Variants in ANKRD28 observed in about 807,000 individuals in gnomAD.
ANKRD28 encodes the protein serine/threonine-protein phosphatase 6 regulatory ankyrin repeat subunit A.
Under a neutral mutation model 126.5 loss-of-function variants are expected in ANKRD28, and 44 were observed. That is an observed-to-expected ratio of 0.35 (90% CI 0.27 to 0.45). ANKRD28 has a LOEUF of 0.45. Among genes scored for constraint, ANKRD28 ranks in the 20% least tolerant of loss-of-function variants. ANKRD28 has a pLI of 1.00. For synonymous variants in ANKRD28, 442 were observed against 468.5 expected, an observed-to-expected ratio of 0.94 and a Z score of 0.73; for missense variants, 1,110 against 1,316.6, an observed-to-expected ratio of 0.84 and a Z score of 2.43.
At chr3:15,825,549 T>G (rs992591984) in intron 1 of ANKRD28, among the ~76,000 whole-genome samples, 1 of 151,916 alleles carries the variant, frequency 6.6e-6, no homozygotes, top group Non-Finnish European at 1.5e-5. Flanking sequence ...AATTTGCAAA[T>G]TTTTAGAAGA....
chr3:15,842,605 A>G (rs1439477821), intron 1 of ANKRD28, among the ~76,000 whole-genome samples: 4 of 152,252 alleles, frequency 2.6e-5, no homozygotes, highest in African/African-American at 9.6e-5. Context: ...TATAACACAA[A>G]GCACAAATGC....
rs1180709445 is a variant in ANKRD28 at position 15,690,069 on chromosome 3, G to A, written c.1913C>T (p.Ser638Leu). ...CAAAATGTAATCTTTTACTAAGATT[G>A]AGGCTCCCTGATTAATGAGTACATC... ...CVDVLINQGA[S>L]ILVKDYILKR... Residue 638 changes from serine to leucine, a missense_variant, in exon 18 of 28, where the codon TCA (serine) becomes TTA (leucine). Coordinates refer to ENST00000683139, the MANE Select transcript of ANKRD28 (RefSeq NM_001349278.2). The A allele has an allele frequency of 6.2e-7, 1 of 1,612,196 alleles. No individual in the cohort carries two copies. Among genetic ancestry groups the A allele is most frequent in the Non-Finnish European group, 8.5e-7 (1 of 1,179,122 alleles).
intron 6 of ANKRD28, among the ~76,000 whole-genome samples, chr3:15,731,647 C>G (rs1158922087): frequency 1.3e-5 from 2 of 151,936 alleles, no homozygotes; most frequent in Non-Finnish European, 2.9e-5. Flanking sequence ...TGCAGAAGTT[C>G]AAGACCAGCC....
intron 14 of ANKRD28, among the ~76,000 whole-genome samples, chr3:15,707,564 T>C (rs1229183832): frequency 6.6e-6 from 1 of 152,186 alleles, no homozygotes. Flanking sequence ...TCTGATGACA[T>C]TACTCATATA....
chr3:15,707,824 A>T, intron 14 of ANKRD28, 100 bp downstream of exon 14: 1 of 1,405,766 alleles, frequency 7.1e-7, no homozygotes, highest in Admixed American at 2.2e-5. Flanking sequence ...ATCAACAAAA[A>T]ATACAAAGAG....
intron 14 of ANKRD28, among the ~76,000 whole-genome samples, chr3:15,702,207 G>A (rs1421537133): frequency 6.6e-6 from 1 of 152,114 alleles, no homozygotes; most frequent in Non-Finnish European, 1.5e-5. Flanking sequence ...AACCACCTCA[G>A]GTCTTCCCTT....
chr3:15,856,676 G>A (rs2126009327), intron 1 of ANKRD28, among the ~76,000 whole-genome samples: 1 of 152,288 alleles, frequency 6.6e-6, no homozygotes. Flanking sequence ...ATAATTAGGT[G>A]GTGGCACAAA....
At position 15,838,088 on chromosome 3, in the gene ANKRD28, T is replaced by C. The variant is rs939754021; in HGVS notation, c.27+21289A>G. Among the ~76,000 whole-genome samples, 1 of 151,914 alleles carries C rather than the reference T, an allele frequency of 6.6e-6. No homozygotes were observed. Among genetic ancestry groups the C allele is most frequent in the Non-Finnish European group, 1.5e-5 (1 of 67,960 alleles). On this transcript the variant is annotated intron_variant, in intron 1 of 27. Transcript: ENST00000399451. The surrounding 1 kb of genome is among the most constrained non-coding windows in gnomAD (Gnocchi z 4.0). Reference sequence around the variant, plus strand: ...CTGACTCTGAAGAAGATACAGAAAATATGAATAGAACTCTATCAACTAAAG... The same window carrying C: ...CTGACTCTGAAGAAGATACAGAAAACATGAATAGAACTCTATCAACTAAAG...
chr3:15,707,859 A>T, intron 14 of ANKRD28, 65 bp downstream of exon 14: 1 of 1,543,178 alleles, frequency 6.5e-7, no homozygotes, highest in Non-Finnish European at 8.8e-7. Flanking sequence ...CAACAAAAAC[A>T]TCCATATGGA....
rs545958047 is a variant in ANKRD28, at chr3:15,676,954, T to G, written c.2873+20A>C. The G allele has an allele frequency of 2.8e-5, 45 of 1,593,784 alleles. 1 individual carries two copies. In the South Asian group the frequency reaches 4.6e-4, roughly 16 times the overall value. On this transcript the variant is annotated intron_variant, in intron 26 of 27. Transcript: ENST00000683139. ...TAATTATAGGTCACAAAGTTTATAC[T>G]AGATACTGACAGTACTCACGTTTGC...
chr3:15,769,834 A>G (rs2058913340), intron 2 of ANKRD28, among the ~76,000 whole-genome samples: 1 of 152,184 alleles, frequency 6.6e-6, no homozygotes, highest in Admixed American at 6.5e-5. Flanking sequence ...ACAATTGGAA[A>G]CACTAAGGCA....
chr3:15,787,394 T>A (rs1342626692), intron 2 of ANKRD28, among the ~76,000 whole-genome samples: 1 of 152,134 alleles, frequency 6.6e-6, no homozygotes, highest in Non-Finnish European at 1.5e-5. Context: ...ATTTACAAAT[T>A]TGAAACTGGA....
chr3:15,776,090 C>G (rs536539577), intron 2 of ANKRD28, among the ~76,000 whole-genome samples: 3 of 152,248 alleles, frequency 2.0e-5, no homozygotes, highest in African/African-American at 7.2e-5. Flanking sequence ...TTTTTAGAAG[C>G]TGTATGCTAG....
intron 2 of ANKRD28, among the ~76,000 whole-genome samples, chr3:15,777,222 T>G (rs13068582): frequency 1.4e-5 from 2 of 148,122 alleles, no homozygotes; most frequent in Non-Finnish European, 3.0e-5. Context: ...TGCAGTGAGC[T>G]GAGATTGCGC....
chr3:15,844,350 C>CA (rs1246780965), intron 1 of ANKRD28, among the ~76,000 whole-genome samples: 2 of 151,800 alleles, frequency 1.3e-5, no homozygotes, highest in African/African-American at 4.8e-5. Context: ...GAAAGGGAAC[C>CA]AAACAGATTA....
chr3:15,786,047 G>A (rs180861847), intron 2 of ANKRD28, among the ~76,000 whole-genome samples: 55 of 152,152 alleles, frequency 3.6e-4, no homozygotes, highest in Admixed American at 2.2e-3. Context: ...AACGAATAGA[G>A]GGTGCACAGA....
intron 14 of ANKRD28, among the ~76,000 whole-genome samples, chr3:15,699,936 G>A (rs143728671): frequency 0.091 from 13,803 of 152,194 alleles, 692 homozygotes; most frequent in African/African-American, 0.12. Flanking sequence ...ACATGCACAC[G>A]TATGTTTACT....
chr3:15,829,475 A>C (rs1056227253), intron 1 of ANKRD28, among the ~76,000 whole-genome samples: 2 of 152,234 alleles, frequency 1.3e-5, no homozygotes, highest in Non-Finnish European at 2.9e-5. Context: ...TTATGAAGCC[A>C]TATGAATGAG....
At chr3:15,734,357 C>T (rs181681868) in intron 6 of ANKRD28, among the ~76,000 whole-genome samples, 2 of 152,146 alleles carry the variant, frequency 1.3e-5, no homozygotes, top group Admixed American at 1.3e-4. Flanking sequence ...TAGGCTATGG[C>T]TCTTAGAAAA....
Sources: gnomAD v4.1 joint callset for allele counts (sites outside exome capture counted in the v4.1 genomes callset) on GRCh38, gnomAD v4.1.1 for gene constraint, Gnocchi (gnomAD v3.1) non-coding constraint, MANE v1.5 for transcripts, NCBI Gene and HGNC (gene_info 2026-07-23, HGNC 2026-07-21) for gene names.